Variants in ARHGAP29 observed in about 807,000 individuals in gnomAD.
ARHGAP29 encodes the protein rho GTPase-activating protein 29.
Under a neutral mutation model 122.6 loss-of-function variants are expected in ARHGAP29, and 43 were observed. The observed-to-expected ratio is 0.35, with a 90% CI of 0.27 to 0.45. The LOEUF (loss-of-function observed/expected upper bound fraction) is 0.45. Ranked by LOEUF, ARHGAP29 falls within the 20% of genes least tolerant of loss-of-function variation. The pLI is 1.00. For synonymous variants in ARHGAP29, 506 were observed against 497.1 expected (o/e 1.02, Z -0.24); for missense variants, 1,303 against 1,477.2 (o/e 0.88, Z 1.93).
chr1:94,231,156 C>A (rs376280548), intron 2 of ARHGAP29, among the ~76,000 whole-genome samples: 1 of 152,000 alleles, frequency 6.6e-6, no homozygotes, highest in Non-Finnish European at 1.5e-5. Flanking sequence ...ATGGACCCAA[C>A]CACAGGAATC....
chr1:94,231,574 C>T lies in ARHGAP29; in HGVS notation c.38G>A (p.Arg13His), dbSNP rs1172759017. 5.6e-6 allele frequency: 9 copies of T among 1,613,440 alleles called. No individual in the cohort carries two copies. Among genetic ancestry groups the T allele is most frequent in the African/African-American group, 2.7e-5 (2 of 74,910 alleles). Residue 13 changes from arginine to histidine, a missense_variant, in exon 2 of 23, where the codon CGT becomes CAT. Arg to His is a conservative substitution (Grantham distance 29). Around this residue, in one of 3 missense-constraint regions of ARHGAP29, gnomAD observed 592 missense variants for 648.2 expected, o/e 0.91. Coordinates refer to ENST00000260526, the MANE Select transcript of ARHGAP29 (RefSeq NM_004815.4). ...AHKQKKTKKK[R>H]AWASGQLSTD... The stretch of plus-strand genomic sequence containing the variant: ...AGAGAGTTGACCTGATGCCCAAGCA[C>T]GTTTTTTCTTTGTCTTTTTCTGTTT...
At chr1:94,301,487 G>A in the ARHGAP29 span, among the ~76,000 whole-genome samples, 1 of 152,238 alleles carries the variant, frequency 6.6e-6, no homozygotes, top group East Asian at 1.9e-4. Context: ...ATAGCACCAG[G>A]AAGGACTCTG....
the ARHGAP29 span, chr1:94,302,554 C>T: frequency 3.0e-6 from 1 of 334,210 alleles, no homozygotes; most frequent in Non-Finnish European, 5.9e-6. Flanking sequence ...ACAGTCCATG[C>T]CATCACTGCT....
chr1:94,298,074 T>C, the ARHGAP29 span, among the ~76,000 whole-genome samples: 1 of 152,214 alleles, frequency 6.6e-6, no homozygotes, highest in South Asian at 2.1e-4. Flanking sequence ...TAGAGTTAAA[T>C]GAAATAATAT....
intron 1 of ARHGAP29, among the ~76,000 whole-genome samples, chr1:94,248,729 G>T (rs1010961596): frequency 6.6e-6 from 1 of 152,166 alleles, no homozygotes; most frequent in Non-Finnish European, 1.5e-5. Context: ...AGAGAGACAG[G>T]GCCTTGCTCT....
intron 1 of ARHGAP29, among the ~76,000 whole-genome samples, chr1:94,232,992 T>G (rs1653018478): frequency 6.6e-6 from 1 of 151,580 alleles, no homozygotes; most frequent in East Asian, 1.9e-4. Flanking sequence ...TCACCCAGGT[T>G]GGAGTGCAGT....
upstream of ARHGAP29, among the ~76,000 whole-genome samples, chr1:94,277,736 G>A (rs375444943): frequency 4.5e-4 from 69 of 152,110 alleles, 2 homozygotes; most frequent in East Asian, 3.1e-3. Context: ...CTCCATCAAG[G>A]TAAATTTTCC....
the ARHGAP29 span, among the ~76,000 whole-genome samples, chr1:94,298,143 C>T: frequency 6.6e-6 from 1 of 152,142 alleles, no homozygotes; most frequent in Non-Finnish European, 1.5e-5. Flanking sequence ...TGACAGTGTA[C>T]CATCCTGAAT....
intron 8 of ARHGAP29, 120 bp from the exon 9 acceptor site, chr1:94,203,330 C>G: frequency 1.7e-6 from 1 of 602,532 alleles, no homozygotes; most frequent in Non-Finnish European, 2.7e-6. Flanking sequence ...AGAAAAATAA[C>G]TAGTCAAAAA....
the ARHGAP29 span, among the ~76,000 whole-genome samples, chr1:94,306,703 A>G: frequency 6.6e-6 from 1 of 152,222 alleles, no homozygotes; most frequent in Admixed American, 6.5e-5. Context: ...AAACTGCCAA[A>G]TGGATATGCA....
rs1173706654 is a variant in ARHGAP29 at position 94,179,874 on chromosome 1, T to C, written c.2331A>G (p.Gln777=). 15 of 1,613,190 alleles carry C rather than the reference T, an allele frequency of 9.3e-6. No individual in the cohort carries two copies. Among genetic ancestry groups the C allele is most frequent in the African/African-American group, 1.3e-5 (1 of 74,902 alleles). ...CTTCAAGACTATTCTTTTTTGTCTCTTGTTCTTCATTTACATGTTGGATCT... is the reference window on the plus strand; with the variant it reads ...CTTCAAGACTATTCTTTTTTGTCTCCTGTTCTTCATTTACATGTTGGATCT... ...AKEIQHVNEE[Q]ETKKNSLEDK... is the part of the protein sequence containing the mutation. Residue 777 remains glutamine, a synonymous_variant, in exon 20 of 23, where the codon CAA becomes CAG. Coordinates refer to ENST00000260526, the MANE Select transcript of ARHGAP29 (RefSeq NM_004815.4).
chr1:94,181,838 G>A (rs1195968433), intron 19 of ARHGAP29, among the ~76,000 whole-genome samples: 2 of 152,178 alleles, frequency 1.3e-5, no homozygotes, highest in Non-Finnish European at 2.9e-5. Context: ...TGGAAATGTG[G>A]CTGGTCTAAA....
chr1:94,229,021 C>T (rs1032904203), intron 2 of ARHGAP29, among the ~76,000 whole-genome samples: 3 of 151,806 alleles, frequency 2.0e-5, no homozygotes, highest in African/African-American at 7.2e-5. Context: ...AAAAATATGG[C>T]ATCTTCCTCT....
intron 1 of ARHGAP29, among the ~76,000 whole-genome samples, chr1:94,243,524 G>C (rs1182123912): frequency 7.9e-5 from 12 of 152,008 alleles, no homozygotes; most frequent in African/African-American, 2.9e-4. Context: ...ATTTCAAAAT[G>C]TGGAGATTAC....
At chr1:94,203,519 G>C (rs1306944243) in intron 8 of ARHGAP29, among the ~76,000 whole-genome samples, 1 of 152,156 alleles carries the variant, frequency 6.6e-6, no homozygotes. Context: ...TGGATTACTT[G>C]AGCTCAGGAG....
At chr1:94,255,851 T>C (rs1013249207) in intron 1 of ARHGAP29, among the ~76,000 whole-genome samples, 20 of 152,240 alleles carry the variant, frequency 1.3e-4, no homozygotes, top group Non-Finnish European at 2.5e-4. Flanking sequence ...AGGGATACTG[T>C]TGCTGCCATT....
chr1:94,198,919 C>T (rs1650646752), intron 12 of ARHGAP29, among the ~76,000 whole-genome samples: 1 of 152,208 alleles, frequency 6.6e-6, no homozygotes, highest in Admixed American at 6.5e-5. Flanking sequence ...GGAAGACCCA[C>T]ACTGTGTACC....
At chr1:94,295,126 C>G in the ARHGAP29 span, among the ~76,000 whole-genome samples, 1 of 152,118 alleles carries the variant, frequency 6.6e-6, no homozygotes, top group South Asian at 2.1e-4. Context: ...CTAGGGCCAA[C>G]TAGAAGGATT....
chr1:94,188,928 T>C lies in ARHGAP29; in HGVS notation c.1590A>G (p.Ile530Met). 1 of 1,612,858 alleles carries C rather than the reference T, an allele frequency of 6.2e-7. No homozygotes were observed. Among genetic ancestry groups the C allele is most frequent in the Non-Finnish European group, 8.5e-7 (1 of 1,179,136 alleles). ...TAAACATCCCAAATGTCCATGATCT[T>C]ATAAAGGAAGGACCTTTAATAAAAA... The part of the protein sequence containing the change: ...NSADITGPSF[I>M]RSWTFGMFSD... Residue 530 changes from isoleucine (I) to methionine (M), a missense_variant, in exon 15 of 23, where the codon ATA (isoleucine) becomes ATG (methionine). By Grantham distance (10) the Ile-to-Met change is conservative. Around this residue, in one of 3 missense-constraint regions of ARHGAP29, gnomAD observed 592 missense variants for 648.2 expected, o/e 0.91. Coordinates refer to ENST00000260526, the MANE Select transcript of ARHGAP29 (RefSeq NM_004815.4).
Sources: allele counts gnomAD v4.1 joint callset (sites outside exome capture counted in the v4.1 genomes callset), GRCh38; gene constraint gnomAD v4.1.1; regional missense constraint gnomAD v4.1.1; transcripts MANE v1.5; gene names NCBI Gene and HGNC (gene_info 2026-07-23, HGNC 2026-07-21).